The following FNTB variants were observed in gnomAD, a reference collection of about 807,000 sequenced individuals.
FNTB encodes protein farnesyltransferase subunit beta.
In FNTB, 27 loss-of-function variants were observed where a neutral mutation model predicts 59.4. The observed-to-expected ratio is 0.45, with a 90% CI of 0.34 to 0.63. FNTB has a LOEUF of 0.63. Among genes scored for constraint, FNTB ranks in the 20% least tolerant of loss-of-function variants. The probability of loss-of-function intolerance (pLI) is 0.02; values close to 1 mark genes in which losing one functional copy is unlikely to be tolerated. For synonymous variants in FNTB, 230 were observed against 220.7 expected (o/e 1.04, Z -0.37); for missense variants, 449 against 559.6 (o/e 0.80, Z 1.99).
intron 11 of FNTB, among the ~76,000 whole-genome samples, chr14:65,060,741 C>G (rs1395840992): frequency 6.8e-6 from 1 of 147,556 alleles, no homozygotes; most frequent in Non-Finnish European, 1.5e-5. Flanking sequence ...GGCGTGGTGG[C>G]TCACACCTGT....
At chr14:64,995,158 C>T (rs1192574521) in intron 1 of FNTB, among the ~76,000 whole-genome samples, 2 of 152,302 alleles carry the variant, frequency 1.3e-5, no homozygotes, top group East Asian at 1.9e-4. Context: ...GTGTCACTGC[C>T]TTCCATCTCC....
intron 7 of FNTB, among the ~76,000 whole-genome samples, chr14:65,038,564 A>G (rs1023959419): frequency 6.6e-6 from 1 of 151,550 alleles, no homozygotes; most frequent in African/African-American, 2.4e-5. Flanking sequence ...CTAAAAATAC[A>G]AAAATTAGCC....
At chr14:64,992,709 C>A (rs1888248638) in intron 1 of FNTB, among the ~76,000 whole-genome samples, 3 of 152,084 alleles carry the variant, frequency 2.0e-5, no homozygotes, top group Admixed American at 2.0e-4. Context: ...GCCTTGACCT[C>A]ACAGGCCTGC....
Position 65,044,392 on chromosome 14 carries a change from T to C in FNTB, c.904T>C (p.Phe302Leu). The C allele has an allele frequency of 6.2e-7, 1 of 1,613,130 alleles. No homozygotes were observed. Among genetic ancestry groups the C allele is most frequent in the Non-Finnish European group, 8.5e-7 (1 of 1,179,668 alleles). ...CAAGCTGGTGGATGGCTGCTACTCC[T>C]TCTGGCAGGCGGGGCTCCTGCCCCT... ...CNKLVDGCYS[F>L]WQAGLLPLLH... The change falls in exon 9 of 12, where the codon TTC (phenylalanine) becomes CTC (leucine). Residue 302 changes from phenylalanine (F) to leucine (L), a missense_variant. Phe to Leu is a conservative substitution (Grantham distance 22). Around this residue, in one of 2 missense-constraint regions of FNTB, gnomAD observed 337 missense variants for 479.1 expected, o/e 0.70. Coordinates refer to ENST00000246166, the MANE Select transcript of FNTB (RefSeq NM_002028.4). The surrounding 1 kb of genome is among the most constrained non-coding windows in gnomAD (Gnocchi z 5.5).
chr14:65,008,284 C>T (rs139200459), intron 2 of FNTB, among the ~76,000 whole-genome samples: 1 of 152,152 alleles, frequency 6.6e-6, no homozygotes, highest in African/African-American at 2.4e-5. Context: ...CCAGGATGGC[C>T]CAGGTTTGGG....
Position 65,015,669 on chromosome 14 carries a change from C to A in FNTB, c.327C>A (p.His109Gln). ...CATGGCTCTGCTATTGGATCCTGCA[C>A]AGCTTGGAACTGCTAGATGAACCCA... ...SRPWLCYWIL[H>Q]SLELLDEPIP... Residue 109 changes from histidine (H) to glutamine (Q), a missense_variant, in exon 4 of 12, where the codon CAC (histidine) becomes CAA (glutamine). Coordinates refer to ENST00000246166, the MANE Select transcript of FNTB (RefSeq NM_002028.4). 1 of 1,614,190 alleles carries A rather than the reference C, an allele frequency of 6.2e-7. No individual in the cohort carries two copies. Among genetic ancestry groups the A allele is most frequent in the Non-Finnish European group, 8.5e-7 (1 of 1,180,032 alleles).
intron 1 of FNTB, chr14:65,003,794 T>C (rs2061543933): frequency 6.6e-6 from 1 of 152,382 alleles, no homozygotes; most frequent in Admixed American, 6.5e-5. Flanking sequence ...CTCTCACAAG[T>C]GGAGATTTCC....
At chr14:64,989,628 G>C (rs1414188417) in intron 1 of FNTB, among the ~76,000 whole-genome samples, 1 of 152,166 alleles carries the variant, frequency 6.6e-6, no homozygotes, top group Non-Finnish European at 1.5e-5. Context: ...TTTGGTAATA[G>C]GAGTTAAACC....
Position 64,986,997 on chromosome 14 carries a change from C to T in FNTB, c.44C>T (p.Ser15Phe), listed in dbSNP as rs1392154164. 1.2e-6 allele frequency: 2 copies of T among 1,614,222 alleles called. No homozygotes were observed. Among genetic ancestry groups the T allele is most frequent in the Non-Finnish European group, 1.7e-6 (2 of 1,180,032 alleles). Residue 15 changes from serine to phenylalanine, a missense_variant, in exon 1 of 12, where the codon TCC becomes TTC. Ser to Phe is a radical substitution (Grantham distance 155, BLOSUM62 -2). This residue lies in a region of FNTB where 112 missense variants were observed against 80.5 expected (regional missense o/e 1.39). Coordinates refer to ENST00000246166, the MANE Select transcript of FNTB (RefSeq NM_002028.4). ...SSFTYYCPPSSSPVWSEPLYS... is the reference protein window; with the variant it reads ...SSFTYYCPPSFSPVWSEPLYS... ...TTCACCTACTATTGCCCTCCATCTT[C>T]CTCCCCCGTCTGGTCAGAGCCGCTG... is the stretch of plus-strand genomic sequence containing the variant.
At chr14:64,988,294 C>T (rs1196070373) in intron 1 of FNTB, among the ~76,000 whole-genome samples, 1 of 152,010 alleles carries the variant, frequency 6.6e-6, no homozygotes, top group Non-Finnish European at 1.5e-5. Context: ...CCAGTGTGTC[C>T]CAGGGAAGGC....
At chr14:65,037,748 ATTTATTTAT>A (rs1566562881) in intron 7 of FNTB, among the ~76,000 whole-genome samples, 2,278 of 75,446 alleles carry the variant, frequency 0.03, 67 homozygotes, top group East Asian at 0.16. Context: ...TTTATTATTT[ATTTATTTAT>A]TTATTTATTT....
chr14:65,040,767 T>G (rs1333510682), intron 7 of FNTB, 23 bp from the exon 8 acceptor site: 2 of 1,608,382 alleles, frequency 1.2e-6, no homozygotes, highest in Non-Finnish European at 1.7e-6. Context: ...CCACTCATTC[T>G]GCTTTTCTCA....
intron 7 of FNTB, among the ~76,000 whole-genome samples, chr14:65,034,273 G>A (rs1016862813): frequency 6.6e-6 from 1 of 152,132 alleles, no homozygotes; most frequent in Non-Finnish European, 1.5e-5. Context: ...CTTCCTTTCA[G>A]CATGAAATTC....
At chr14:65,003,950 T>G (rs988946640) in intron 1 of FNTB, among the ~76,000 whole-genome samples, 5 of 152,176 alleles carry the variant, frequency 3.3e-5, no homozygotes, top group Non-Finnish European at 7.3e-5. Flanking sequence ...GAGACATCTG[T>G]CTTCATCTGC....
At chr14:64,996,611 G>T (rs533446754) in intron 1 of FNTB, among the ~76,000 whole-genome samples, 2 of 152,298 alleles carry the variant, frequency 1.3e-5, no homozygotes, top group South Asian at 4.1e-4. Context: ...GTTGTGGCCT[G>T]CCTATCTAAG....
In FNTB at chr14:65,047,875, A is replaced by T. The variant is rs2139656838; in HGVS notation, c.955+3432A>T. On this transcript the variant is annotated intron_variant, in intron 9 of 11. Coordinates refer to ENST00000246166, the MANE Select transcript of FNTB (RefSeq NM_002028.4). This position sits in a 1 kb window ranked among gnomAD's most constrained non-coding sequence, Gnocchi z 5.2. ...GCAGTGCCTGGGCACACAGCCCGAG[A>T]TGTACACAGCTTTTCCTGGAACCCT... Among the ~76,000 whole-genome samples, 1 of 152,056 alleles carries T rather than the reference A, an allele frequency of 6.6e-6. No individual in the cohort carries two copies. The highest frequency in any genetic ancestry group is 1.9e-4 in the East Asian group (1 of 5,164).
chr14:65,061,405 A>C lies in FNTB; in HGVS notation c.*93A>C. Reference sequence around the variant, plus strand: ...TACATACTGCATTCTGTGCTACACAAGCCTTAGCCTCAGTGGAGCTGTGGT... The same window carrying C: ...TACATACTGCATTCTGTGCTACACACGCCTTAGCCTCAGTGGAGCTGTGGT... On this transcript the variant is annotated 3_prime_UTR_variant, in exon 12 of 12. Transcript: ENST00000246166. 1 of 1,526,010 alleles carries C rather than the reference A, an allele frequency of 6.6e-7. No individual in the cohort carries two copies. Among genetic ancestry groups the C allele is most frequent in the Admixed American group, 1.9e-5 (1 of 51,296 alleles). The allele number at this position is 1,526,010 out of a possible 1,614,324, so 94.5% of individuals were successfully genotyped here. A position where few individuals can be genotyped will look rare whatever the true frequency, so the allele number is the denominator to read the frequency against.
In FNTB at chr14:65,014,039, G is replaced by A. The variant is rs1392239500; in HGVS notation, c.283-1586G>A. 2.6e-5 allele frequency among the ~76,000 whole-genome samples: 4 copies of A among 152,198 alleles called. No homozygotes were observed. Among genetic ancestry groups the A allele is most frequent in the Non-Finnish European group, 4.4e-5 (3 of 68,038 alleles). ...AGTAGCTCACCAGCCTACCTTCCAG[G>A]TGGTGGGTTAGCCACAGCTTGGGAT... On this transcript the variant is annotated intron_variant, in intron 3 of 11. Transcript: ENST00000246166. This position sits in a 1 kb window ranked among gnomAD's most constrained non-coding sequence, Gnocchi z 5.1.
intron 4 of FNTB, among the ~76,000 whole-genome samples, chr14:65,016,717 G>A (rs2061779868): frequency 1.3e-5 from 2 of 152,150 alleles, no homozygotes; most frequent in South Asian, 4.1e-4. Flanking sequence ...AGGGTGTCTT[G>A]TGATGAATGT....
Sources: allele counts gnomAD v4.1 joint callset (sites outside exome capture counted in the v4.1 genomes callset), GRCh38; gene constraint gnomAD v4.1.1; regional missense constraint gnomAD v4.1.1; non-coding constraint Gnocchi (gnomAD v3.1); transcripts MANE v1.5; gene names NCBI Gene and HGNC (gene_info 2026-07-23, HGNC 2026-07-21).